The following ANKS1B variants were observed in gnomAD, a reference collection of about 807,000 sequenced individuals.
ANKS1B encodes ankyrin repeat and sterile alpha motif domain-containing protein 1B.
A neutral mutation model predicts 148.3 loss-of-function variants in ANKS1B; 36 were observed. That is an observed-to-expected ratio of 0.24 (90% confidence interval 0.19 to 0.32). The LOEUF (loss-of-function observed/expected upper bound fraction) is 0.32. ANKS1B is among the 10% of genes least tolerant of loss of function. The probability of loss-of-function intolerance (pLI) is 1.00; values close to 1 mark genes in which losing one functional copy is unlikely to be tolerated. For synonymous variants in ANKS1B, 542 were observed against 560.8 expected, an observed-to-expected ratio of 0.97 and a Z score of 0.47; for missense variants, 1,157 against 1,542.6, an observed-to-expected ratio of 0.75 and a Z score of 4.19.
At chr12:99,511,878 G>C (rs2096769682) in intron 9 of ANKS1B, among the ~76,000 whole-genome samples, 1 of 151,490 alleles carries the variant, frequency 6.6e-6, no homozygotes, top group Admixed American at 6.6e-5. Flanking sequence ...AATTGAAACT[G>C]GACCCCTTCC....
chr12:99,773,065 A>C lies in ANKS1B; in HGVS notation c.985T>G (p.Ser329Ala), dbSNP rs1184512368. The C allele has an allele frequency of 2.2e-5, 35 of 1,608,024 alleles. No homozygotes were observed. The highest frequency in any genetic ancestry group is 2.5e-5 in the Non-Finnish European group (30 of 1,177,146). Reference sequence around the variant, plus strand: ...AGTTTTATTTCATCCAAGAGTTTTGATAATTCTCCAGTGACGGTTTCACCT... The same window carrying C: ...AGTTTTATTTCATCCAAGAGTTTTGCTAATTCTCCAGTGACGGTTTCACCT... ...TKSETVTGELSKLLDEIKLCQ... is the reference protein window; with the variant it reads ...TKSETVTGELAKLLDEIKLCQ... The change falls in exon 8 of 27, where the codon TCA (serine) becomes GCA (alanine). Residue 329 changes from serine (S) to alanine (A), a missense_variant. Ser to Ala is a moderately conservative substitution (Grantham distance 99). This residue lies in a region of ANKS1B where 661 missense variants were observed against 642.1 expected (regional missense o/e 1.03). Transcript: ENST00000683438.
intron 1 of ANKS1B, among the ~76,000 whole-genome samples, chr12:99,883,744 C>T (rs1253690034): frequency 1.3e-5 from 2 of 152,040 alleles, no homozygotes; most frequent in Admixed American, 6.6e-5. Context: ...GGTGAAACCT[C>T]GTCTCTATTA....
chr12:99,715,806 CT>C (rs1268074246), intron 8 of ANKS1B, among the ~76,000 whole-genome samples: 1 of 152,178 alleles, frequency 6.6e-6, no homozygotes, highest in African/African-American at 2.4e-5. Context: ...ACCACTTTCT[CT>C]TTTCAATCTT....
At chr12:99,604,366 C>T (rs2097833012) in intron 9 of ANKS1B, among the ~76,000 whole-genome samples, 2 of 151,964 alleles carry the variant, frequency 1.3e-5, no homozygotes, top group Admixed American at 1.3e-4. Flanking sequence ...AGCCAACTGG[C>T]TTATTTGAGG....
At chr12:99,516,914 A>T (rs1352483764) in intron 9 of ANKS1B, among the ~76,000 whole-genome samples, 1 of 152,086 alleles carries the variant, frequency 6.6e-6, no homozygotes, top group Admixed American at 6.6e-5. Flanking sequence ...TGGTTACCAT[A>T]GCTCTGTAGT....
intron 24 of ANKS1B, among the ~76,000 whole-genome samples, chr12:98,779,350 T>C (rs2098711663): frequency 6.6e-6 from 1 of 152,138 alleles, no homozygotes; most frequent in Non-Finnish European, 1.5e-5. Flanking sequence ...ATTCCTCTGA[T>C]TGTGGAGAGT....
chr12:98,966,810 G>A (rs996167445), intron 17 of ANKS1B, among the ~76,000 whole-genome samples: 1 of 145,882 alleles, frequency 6.9e-6, no homozygotes, highest in Non-Finnish European at 1.5e-5. Context: ...AACACCGCAT[G>A]TTCTCACTCA....
At chr12:99,124,072 A>G (rs2063635126) in intron 15 of ANKS1B, among the ~76,000 whole-genome samples, 1 of 152,278 alleles carries the variant, frequency 6.6e-6, no homozygotes, top group East Asian at 1.9e-4. Context: ...ATTCTGAGTG[A>G]GACAGGAAAC....
chr12:99,875,633 C>G (rs1057435793), intron 1 of ANKS1B, among the ~76,000 whole-genome samples: 1 of 152,154 alleles, frequency 6.6e-6, no homozygotes, highest in South Asian at 2.1e-4. Flanking sequence ...TACATAATAG[C>G]TGACACAGAC....
intron 1 of ANKS1B, among the ~76,000 whole-genome samples, chr12:99,977,470 T>C (rs1047015298): frequency 1.3e-5 from 2 of 152,186 alleles, no homozygotes; most frequent in Non-Finnish European, 2.9e-5. Flanking sequence ...CTTCATACTG[T>C]CACAATGACA....
rs540993770 is a variant in ANKS1B, at chr12:99,626,091, G to A, written c.1272+28976C>T. Reference sequence around the variant, plus strand: ...GAGACTGCTATATTGACTATATGGTGATCTGTTTTCTTCTATATCAAAATG... The same window carrying A: ...GAGACTGCTATATTGACTATATGGTAATCTGTTTTCTTCTATATCAAAATG... On this transcript the variant is annotated intron_variant, in intron 9 of 26. Coordinates refer to ENST00000683438, the MANE Select transcript of ANKS1B (RefSeq NM_001352186.2). Among the ~76,000 whole-genome samples, 87 of 152,190 alleles carry A rather than the reference G, an allele frequency of 5.7e-4. No homozygotes were observed. The South Asian group carries it at 0.016, about 28-fold the overall frequency.
chr12:99,263,822 C>A (rs1482573422), intron 12 of ANKS1B, among the ~76,000 whole-genome samples: 1 of 152,178 alleles, frequency 6.6e-6, no homozygotes, highest in African/African-American at 2.4e-5. Context: ...TTCCTGAGGC[C>A]TCCCTAGTCA....
At chr12:98,735,008 G>A in exon 10 of ANKS1B, 1 of 389,452 alleles carries the variant, frequency 2.6e-6, no homozygotes, top group East Asian at 3.6e-5. Flanking sequence ...AGCTCCTTGG[G>A]AGGCTAAGAC....
intron 8 of ANKS1B, among the ~76,000 whole-genome samples, chr12:99,733,090 T>C (rs1567739859): frequency 6.6e-6 from 1 of 152,184 alleles, no homozygotes; most frequent in African/African-American, 2.4e-5. Flanking sequence ...GGGATTTTTT[T>C]CAGCAAATGT....
rs146354864 is a variant in ANKS1B, at chr12:98,957,642, G to A, written c.2778+95515C>T. Among the ~76,000 whole-genome samples the A allele has an allele frequency of 2.6e-3, 392 of 152,122 alleles. 10 individuals carry two copies. The East Asian group carries it at 0.044, about 17-fold the overall frequency. On this transcript the variant is annotated intron_variant, in intron 17 of 26. Coordinates refer to ENST00000683438, the MANE Select transcript of ANKS1B (RefSeq NM_001352186.2). ...ATTACAGGCGTGAGCTGCCATGCCCGGCCTTCAGGATTTTTAAATAGTAAA... is the reference window on the plus strand; with the variant it reads ...ATTACAGGCGTGAGCTGCCATGCCCAGCCTTCAGGATTTTTAAATAGTAAA...
chr12:99,638,995 G>A (rs1444872267), intron 9 of ANKS1B, among the ~76,000 whole-genome samples: 3 of 152,214 alleles, frequency 2.0e-5, no homozygotes, highest in Non-Finnish European at 2.9e-5. Flanking sequence ...ATTGAGGTTT[G>A]GGAACCTTTG....
chr12:99,658,113 T>C lies in ANKS1B; in HGVS notation c.1129-2903A>G, dbSNP rs541120836. On this transcript the variant is annotated intron_variant, in intron 8 of 26. Coordinates refer to ENST00000683438, the MANE Select transcript of ANKS1B (RefSeq NM_001352186.2). ...ACCCTTGCCTAATCATGCTCTATGC[T>C]TTTATTCTTTCTTTCACCTTACTTG... 9.2e-5 allele frequency among the ~76,000 whole-genome samples: 14 copies of C among 152,272 alleles called. No homozygotes were observed. In the East Asian group the frequency reaches 1.5e-3, roughly 17 times the overall value.
rs71081896 is a variant in ANKS1B, at chr12:99,098,619, C to CTTTTT, written c.2527-13601_2527-13597dup. ...AATAAAGCATGCCTGCTAGGAACTACTTTTTTTTTTTTTTTTTTTTTTTTT... is the reference window on the plus strand; with the variant it reads ...AATAAAGCATGCCTGCTAGGAACTACTTTTTTTTTTTTTTTTTTTTTTTTTTTTTT... On this transcript the variant is annotated intron_variant, in intron 15 of 26. Coordinates refer to ENST00000683438, the MANE Select transcript of ANKS1B (RefSeq NM_001352186.2). Among the ~76,000 whole-genome samples, 152 of 32,118 alleles carry CTTTTT rather than the reference C, an allele frequency of 4.7e-3. 39 individuals are homozygous for CTTTTT. Among genetic ancestry groups the CTTTTT allele is most frequent in the African/African-American group, 6.3e-3 (60 of 9,462 alleles). The allele number at this position is 32,118 out of a possible 152,430, so 21.1% of individuals were successfully genotyped here. A position where few individuals can be genotyped will look rare whatever the true frequency, so the allele number is the denominator to read the frequency against.
At chr12:98,825,491 C>T (rs1467618509) in intron 19 of ANKS1B, among the ~76,000 whole-genome samples, 1 of 152,082 alleles carries the variant, frequency 6.6e-6, no homozygotes, top group Admixed American at 6.5e-5. Flanking sequence ...TTATATTACA[C>T]ACTATTCTCA....
Sources: gnomAD v4.1 joint callset for allele counts (sites outside exome capture counted in the v4.1 genomes callset) on GRCh38, gnomAD v4.1.1 for gene constraint, gnomAD v4.1.1 regional missense constraint, MANE v1.5 for transcripts, NCBI Gene and HGNC (gene_info 2026-07-23, HGNC 2026-07-21) for gene names.